TTN: variants seen among roughly 807,000 people sequenced by gnomAD.
The protein encoded by TTN is connectin.
In TTN, 1,525 loss-of-function variants were observed where a neutral mutation model predicts 3,223.0. The observed-to-expected ratio is 0.47, with a 90% CI of 0.45 to 0.49. The LOEUF (loss-of-function observed/expected upper bound fraction) is 0.49. Among genes scored for constraint, TTN ranks in the 20% least tolerant of loss-of-function variants. The pLI, the probability that TTN is intolerant of heterozygous loss-of-function variation, is 0.00. For synonymous variants in TTN, 14,094 were observed against 15,161.0 expected (o/e 0.93, Z 5.17); for missense variants, 40,786 against 43,424.0 (o/e 0.94, Z 5.40).
chr2:178,803,093 G>C (rs1318715502), intron 2 of TTN, among the ~76,000 whole-genome samples: 1 of 152,088 alleles, frequency 6.6e-6, no homozygotes, highest in African/African-American at 2.4e-5. Flanking sequence ...GCACATTCAG[G>C]GCATGATTTA....
At chr2:178,677,973 A>G in intron 145 of TTN, 56 bp from the exon 146 acceptor site, 8 of 1,566,808 alleles carry the variant, frequency 5.1e-6, no homozygotes, top group Non-Finnish European at 6.9e-6. Context: ...AATATTCACA[A>G]CAATGAAGAA....
chr2:178,679,932 A>G lies in TTN; in HGVS notation c.33542T>C (p.Ile11181Thr). 1.2e-6 allele frequency: 2 copies of G among 1,613,150 alleles called. No homozygotes were observed. The highest frequency in any genetic ancestry group is 8.5e-7 in the Non-Finnish European group (1 of 1,179,390). The part of the protein sequence containing the change: ...EEYIHEEEEF[I>T]TEEEVVPVIP... ...CACTGGCACCACTTCTTCCTCAGTTATGAACTCCTCTTCTTCATGAATGTA... is the reference window on the plus strand; with the variant it reads ...CACTGGCACCACTTCTTCCTCAGTTGTGAACTCCTCTTCTTCATGAATGTA... The change falls in exon 140 of 363, where the codon ATA (isoleucine) becomes ACA (threonine). Residue 11181 changes from isoleucine (I) to threonine (T), a missense_variant. Transcript: ENST00000589042.
intron 242 of TTN, among the ~76,000 whole-genome samples, chr2:178,623,100 T>C (rs1352946870): frequency 6.6e-6 from 1 of 151,878 alleles, no homozygotes; most frequent in Non-Finnish European, 1.5e-5. Context: ...ACTTGAAAGA[T>C]AATGTCAAAG....
rs1271498452 is a variant in TTN, at chr2:178,586,728, T to C, written c.64173A>G (p.Leu21391=). Residue 21391 remains leucine (L), a synonymous_variant, in exon 308 of 363, where the codon CTA becomes CTG. Coordinates refer to ENST00000589042, the MANE Select transcript of TTN (RefSeq NM_001267550.2). ...CATCGATTTTAGCACCTCCATCACG[T>C]AGGGGAGGTAACCAGGCTAAGGTGG... The part of the protein sequence containing the change: ...NSATLAWLPP[L]RDGGAKIDGY... The C allele has an allele frequency of 1.2e-6, 2 of 1,613,028 alleles. No homozygotes were observed. The highest frequency in any genetic ancestry group is 2.7e-5 in the African/African-American group (2 of 74,882).
At chr2:178,671,844 T>C in intron 155 of TTN, 127 bp downstream of exon 155, 1 of 927,492 alleles carries the variant, frequency 1.1e-6, no homozygotes, top group Non-Finnish European at 1.6e-6. Context: ...TTGTGTCAAC[T>C]AGTTTAAACT....
At chr2:178,729,226 A>G (rs12621398) in intron 64 of TTN, 57 bp from the exon 65 acceptor site, 1 of 1,548,854 alleles carries the variant, frequency 6.5e-7, no homozygotes, top group East Asian at 2.3e-5. Flanking sequence ...CCTACCCATA[A>G]TGATAAGATT....
At position 178,634,224 on chromosome 2, in the gene TTN, A is replaced by G; in HGVS notation, c.42416-141T>C. 6.7e-7 allele frequency: 1 copy of G among 1,483,106 alleles called. No individual in the cohort carries two copies. Among genetic ancestry groups the G allele is most frequent in the East Asian group, 2.4e-5 (1 of 41,576 alleles). The allele number at this position is 1,483,106 out of a possible 1,614,324, so 91.9% of individuals were successfully genotyped here. ...TCCAAATAGAGCTCCACTAAAAACAAATTAAGGGGGGTTGTTTTGGTAACA... is the reference window on the plus strand; with the variant it reads ...TCCAAATAGAGCTCCACTAAAAACAGATTAAGGGGGGTTGTTTTGGTAACA... On this transcript the variant is annotated intron_variant, in intron 230 of 362. Coordinates refer to ENST00000589042, the MANE Select transcript of TTN (RefSeq NM_001267550.2). The surrounding 1 kb of genome is among the most constrained non-coding windows in gnomAD (Gnocchi z 4.6).
Position 178,574,971 on chromosome 2 carries a change from T to C in TTN, c.71161A>G (p.Ile23721Val), listed in dbSNP as rs773072591. 4.3e-6 allele frequency: 7 copies of C among 1,613,278 alleles called. No homozygotes were observed. The East Asian group carries it at 1.6e-4, about 36-fold the overall frequency. The change falls in exon 326 of 363, where the codon ATT (isoleucine) becomes GTT (valine). Residue 23721 changes from isoleucine to valine, a missense_variant. Ile to Val is a conservative substitution (Grantham distance 29). Coordinates refer to ENST00000589042, the MANE Select transcript of TTN (RefSeq NM_001267550.2). Reference protein sequence around the residue: ...IVGEVGDVITIQVHDIPGPPT... With the variant: ...IVGEVGDVITVQVHDIPGPPT... ...GGCCCTGGGATATCATGGACTTGAA[T>C]GGTGATGACATCACCAACCTCTCCT...
chr2:178,687,710 G>A (rs1249839966), intron 127 of TTN, among the ~76,000 whole-genome samples: 1 of 152,156 alleles, frequency 6.6e-6, no homozygotes, highest in African/African-American at 2.4e-5. Context: ...TCTGTCTGTG[G>A]ATTGTGGTAC....
Position 178,712,085 on chromosome 2 carries a change from T to C in TTN, c.27745A>G (p.Thr9249Ala), listed in dbSNP as rs1426023267. The change falls in exon 96 of 363, where the codon ACG becomes GCG. Residue 9249 changes from threonine to alanine, a missense_variant. Coordinates refer to ENST00000589042, the MANE Select transcript of TTN (RefSeq NM_001267550.2). ...YKGDTKLRPT[T>A]TYKMHFRNNV... ...TTCCTAAAATGCATTTTGTAAGTCG[T>C]AGTGGGTCTCAATTTTGTATCTCCT... The C allele has an allele frequency of 3.1e-6, 5 of 1,613,692 alleles. No individual in the cohort carries two copies. Among genetic ancestry groups the C allele is most frequent in the Non-Finnish European group, 4.2e-6 (5 of 1,179,802 alleles).
chr2:178,606,158 G>A (rs547742466), intron 278 of TTN, among the ~76,000 whole-genome samples: 1 of 152,050 alleles, frequency 6.6e-6, no homozygotes, highest in South Asian at 2.1e-4. Flanking sequence ...TCAAAATATG[G>A]TGGAAAGAGG....
Position 178,547,622 on chromosome 2 carries a change from T to C in TTN, c.94004A>G (p.Asp31335Gly). ...SCVLSWGEPK[D>G]GGGTEITNYI... Reference sequence around the variant, plus strand: ...ATTAGTAATTTCAGTGCCTCCTCCATCTTTAGGTTCTCCCCATGACAGGAC... The same window carrying C: ...ATTAGTAATTTCAGTGCCTCCTCCACCTTTAGGTTCTCCCCATGACAGGAC... Residue 31335 changes from aspartate to glycine, a missense_variant, in exon 339 of 363, where the codon GAT becomes GGT. Asp to Gly is a moderately conservative substitution (Grantham distance 94). Coordinates refer to ENST00000589042, the MANE Select transcript of TTN (RefSeq NM_001267550.2). The C allele has an allele frequency of 6.2e-7, 1 of 1,613,890 alleles. No individual in the cohort carries two copies. The highest frequency in any genetic ancestry group is 1.3e-5 in the African/African-American group (1 of 75,028).
At position 178,605,415 on chromosome 2, in the gene TTN, T is replaced by G. The variant is rs780456423; in HGVS notation, c.53880A>C (p.Glu17960Asp). Residue 17960 changes from glutamate to aspartate, a missense_variant and splice_region_variant, in exon 279 of 363, where the codon GAA (glutamate) becomes GAC (aspartate). Transcript: ENST00000589042. ...TATTATTATATTCAGATTCCGCACCTTCATCATCTTGTATGACTACATTAA... is the reference window on the plus strand; with the variant it reads ...TATTATTATATTCAGATTCCGCACCGTCATCATCTTGTATGACTACATTAA... ...LPLNVVIQDDEVPPTIKLRLS... is the reference protein window; with the variant it reads ...LPLNVVIQDDDVPPTIKLRLS... The G allele has an allele frequency of 2.5e-6, 4 of 1,582,730 alleles. No homozygotes were observed. In the African/African-American group the frequency reaches 5.4e-5, roughly 22 times the overall value.
intron 294 of TTN, among the ~76,000 whole-genome samples, chr2:178,597,207 A>G (rs1010376237): frequency 6.6e-6 from 1 of 152,142 alleles, no homozygotes; most frequent in Non-Finnish European, 1.5e-5. Context: ...ATTCTGGGCC[A>G]TGATTCAGAA....
At chr2:178,545,307 T>C in intron 344 of TTN, 81 bp downstream of exon 344, 1 of 1,338,668 alleles carries the variant, frequency 7.5e-7, no homozygotes, top group Non-Finnish European at 9.9e-7. Flanking sequence ...TTCTAAAAAT[T>C]CTTAGAGATT....
chr2:178,701,514 G>C lies in TTN; in HGVS notation c.30598+14C>G. ...TGCTGCTCCAAGCTCAGATGTTGAG[G>C]TTCTGGGTCTTACCTTCTGGTGGCA... is the stretch of plus-strand genomic sequence containing the variant. On this transcript the variant is annotated intron_variant, in intron 110 of 362. Coordinates refer to ENST00000589042, the MANE Select transcript of TTN (RefSeq NM_001267550.2). The C allele has an allele frequency of 6.2e-7, 1 of 1,610,812 alleles. No individual in the cohort carries two copies.
At chr2:178,646,420 T>G in intron 216 of TTN, 65 bp downstream of exon 216, 1 of 1,136,902 alleles carries the variant, frequency 8.8e-7, no homozygotes, top group Non-Finnish European at 1.3e-6. Flanking sequence ...TACAACAACA[T>G]AAACCATATA....
Position 178,601,394 on chromosome 2 carries a change from T to A in TTN, c.55603A>T (p.Ser18535Cys), listed in dbSNP as rs770105954. The change falls in exon 287 of 363, where the codon AGC becomes TGC. Residue 18535 changes from serine (S) to cysteine (C), a missense_variant. Coordinates refer to ENST00000589042, the MANE Select transcript of TTN (RefSeq NM_001267550.2). ...AWTKVNPDCG[S>C]TTFVVPDLLS... The stretch of plus-strand genomic sequence containing the variant: ...AGATCAGGCACTACAAATGTGGTGC[T>A]TCCACAGTCTGGATTGACTTTGGTC... 1.2e-6 allele frequency: 2 copies of A among 1,612,812 alleles called. No individual in the cohort carries two copies. Among genetic ancestry groups the A allele is most frequent in the Admixed American group, 3.3e-5 (2 of 59,902 alleles).
At chr2:178,685,071 G>T in intron 129 of TTN, 82 bp from the exon 130 acceptor site, 1 of 1,274,426 alleles carries the variant, frequency 7.8e-7, no homozygotes, top group Non-Finnish European at 1.1e-6. Context: ...TTCACTTTTT[G>T]AAAAGATTGC....
Sources: gnomAD v4.1 joint callset for allele counts (sites outside exome capture counted in the v4.1 genomes callset) on GRCh38, gnomAD v4.1.1 for gene constraint, Gnocchi (gnomAD v3.1) non-coding constraint, MANE v1.5 for transcripts, NCBI Gene and HGNC (gene_info 2026-07-23, HGNC 2026-07-21) for gene names.